The following CALN1 variants were observed in gnomAD, a reference collection of about 807,000 sequenced individuals.
CALN1 encodes calcium-binding protein 8.
A neutral mutation model predicts 30.6 loss-of-function variants in CALN1; 17 were observed. That is an observed-to-expected ratio of 0.56 (90% confidence interval 0.38 to 0.83). The LOEUF (loss-of-function observed/expected upper bound fraction) is 0.83. CALN1 is among the 40% of genes least tolerant of loss of function. The probability of loss-of-function intolerance (pLI) is 0.00; values close to 1 mark genes in which losing one functional copy is unlikely to be tolerated. For missense variants in CALN1, 291 were observed against 354.9 expected, an observed-to-expected ratio of 0.82 and a Z score of 1.45; for synonymous variants, 156 against 131.4, an observed-to-expected ratio of 1.19 and a Z score of -1.28.
At chr7:72,345,689 C>A (rs889854959) in intron 2 of CALN1, among the ~76,000 whole-genome samples, 8 of 152,078 alleles carry the variant, frequency 5.3e-5, no homozygotes, top group Admixed American at 5.2e-4. Flanking sequence ...ATAAACACCC[C>A]AGGGTTTCAG....
chr7:71,942,420 C>T (rs73364170), intron 5 of CALN1: 2,607 of 170,736 alleles, frequency 0.015, 74 homozygotes, highest in African/African-American at 0.057. Context: ...GTGAGGGGGA[C>T]GTGCTCACCC....
chr7:72,223,901 GA>G (rs1398257414), intron 3 of CALN1, among the ~76,000 whole-genome samples: 1 of 152,170 alleles, frequency 6.6e-6, no homozygotes, highest in Non-Finnish European at 1.5e-5. Flanking sequence ...TGCATAAACA[GA>G]AAACCAAATA....
chr7:72,223,440 T>C (rs1793447129), intron 3 of CALN1, among the ~76,000 whole-genome samples: 1 of 152,142 alleles, frequency 6.6e-6, no homozygotes, highest in Non-Finnish European at 1.5e-5. Flanking sequence ...CATTTTTTGA[T>C]GGATATGGCT....
Position 72,010,421 on chromosome 7 carries a change from T to G in CALN1, c.501+13236A>C, listed in dbSNP as rs573819332. On this transcript the variant is annotated intron_variant, in intron 5 of 6. Coordinates refer to ENST00000395275, the MANE Select transcript of CALN1 (RefSeq NM_031468.4). ...TTACTGCAGCCGAAACCACCTAGAC[T>G]CTTGCTAATGAGAGAATTCAATAAG... Among the ~76,000 whole-genome samples, 5 of 152,264 alleles carry G rather than the reference T, an allele frequency of 3.3e-5. No homozygotes were observed. The South Asian group carries it at 1.0e-3, about 32-fold the overall frequency.
intron 4 of CALN1, among the ~76,000 whole-genome samples, chr7:72,028,480 C>T (rs992983125): frequency 6.6e-6 from 1 of 152,166 alleles, no homozygotes; most frequent in African/African-American, 2.4e-5. Context: ...AAGGGAGCAG[C>T]TCATTTGCTA....
intron 4 of CALN1, among the ~76,000 whole-genome samples, chr7:72,065,947 T>C (rs948031408): frequency 1.3e-5 from 2 of 152,144 alleles, no homozygotes; most frequent in African/African-American, 4.8e-5. Flanking sequence ...GGATAATTAC[T>C]TATTTTGATA....
the CALN1 span, among the ~76,000 whole-genome samples, chr7:72,457,748 C>T: frequency 6.8e-6 from 1 of 148,148 alleles, no homozygotes; most frequent in Non-Finnish European, 1.5e-5. Flanking sequence ...TGGCCCTTAC[C>T]TTCTTATTCT....
intron 2 of CALN1, among the ~76,000 whole-genome samples, chr7:72,296,825 A>AT (rs1427408961): frequency 1.3e-5 from 2 of 150,366 alleles, no homozygotes; most frequent in Non-Finnish European, 3.0e-5. Flanking sequence ...GGATTCATTG[A>AT]TTTTTTGAAG....
At chr7:71,970,958 C>T (rs1270007136) in intron 5 of CALN1, among the ~76,000 whole-genome samples, 5 of 152,148 alleles carry the variant, frequency 3.3e-5, no homozygotes, top group Non-Finnish European at 7.3e-5. Context: ...CAGGTTCACT[C>T]GGCATTCCCA....
At position 71,810,345 on chromosome 7, in the gene CALN1, A is replaced by T. The variant is rs1313012605; in HGVS notation, c.649T>A (p.Phe217Ile). 1 of 1,613,330 alleles carries T rather than the reference A, an allele frequency of 6.2e-7. No homozygotes were observed. The highest frequency in any genetic ancestry group is 1.1e-5 in the South Asian group (1 of 90,962). ...NETSGNCQTE[F>I]EGVHSQKQNR... is the part of the protein sequence containing the mutation. ...CAGCAGGGGCACCTACCTCCTTCAA[A>T]CTCTGTTTGGCAGTTCCCCGAGGTC... Residue 217 changes from phenylalanine to isoleucine, a missense_variant, in exon 6 of 7, where the codon TTT becomes ATT. By Grantham distance (21) the Phe-to-Ile change is conservative. Coordinates refer to ENST00000395275, the MANE Select transcript of CALN1 (RefSeq NM_031468.4).
intron 1 of CALN1, among the ~76,000 whole-genome samples, chr7:72,438,273 C>T (rs1808237658): frequency 6.6e-6 from 1 of 152,022 alleles, no homozygotes; most frequent in Non-Finnish European, 1.5e-5. Context: ...CACCACTATC[C>T]CTGGCTCATT....
At chr7:72,355,091 T>C (rs1803150852) in intron 2 of CALN1, among the ~76,000 whole-genome samples, 1 of 152,056 alleles carries the variant, frequency 6.6e-6, no homozygotes. Flanking sequence ...GTATTTTTTA[T>C]AGAGACAGAC....
rs59245091 is a variant in CALN1 at position 72,352,388 on chromosome 7, C to CAAAAAA, written c.119+50857_119+50862dup. 6.3e-4 allele frequency among the ~76,000 whole-genome samples: 52 copies of CAAAAAA among 81,918 alleles called. 2 individuals carry two copies. Among genetic ancestry groups the CAAAAAA allele is most frequent in the African/African-American group, 9.8e-4 (19 of 19,434 alleles). 53.7% of individuals were successfully genotyped at this position (81,918 alleles called of 152,430 possible). Reference sequence around the variant, plus strand: ...TGGGTGACAGAGTGAGACTCTGTCTCAAAAAAAAAAAAAAAAAAAACTTTG... The same window carrying CAAAAAA: ...TGGGTGACAGAGTGAGACTCTGTCTCAAAAAAAAAAAAAAAAAAAAAAAAAACTTTG... On this transcript the variant is annotated intron_variant, in intron 2 of 6. Transcript: ENST00000395275.
chr7:72,061,775 C>A (rs542286871), intron 4 of CALN1, among the ~76,000 whole-genome samples: 152 of 119,174 alleles, frequency 1.3e-3, no homozygotes, highest in Admixed American at 3.2e-3. Flanking sequence ...ACGGCCTGGG[C>A]GACAGAGCAA....
At chr7:72,065,675 G>C (rs1262322391) in intron 4 of CALN1, among the ~76,000 whole-genome samples, 1 of 152,012 alleles carries the variant, frequency 6.6e-6, no homozygotes, top group East Asian at 1.9e-4. Context: ...TCATCTGTGT[G>C]GAAGTCAGGA....
chr7:72,326,988 A>T (rs1373648114), intron 2 of CALN1, among the ~76,000 whole-genome samples: 1 of 152,164 alleles, frequency 6.6e-6, no homozygotes, highest in Non-Finnish European at 1.5e-5. Context: ...CCACAAAAGG[A>T]TATGTTTAGT....
At chr7:72,361,530 G>A (rs1177868959) in intron 2 of CALN1, among the ~76,000 whole-genome samples, 3 of 152,000 alleles carry the variant, frequency 2.0e-5, no homozygotes, top group Non-Finnish European at 2.9e-5. Context: ...ACAAAACAAA[G>A]AATTCATCTT....
In CALN1 at chr7:72,252,984, C is replaced by T. The variant is rs751039371; in HGVS notation, c.244+25702G>A. Among the ~76,000 whole-genome samples, 118 of 152,226 alleles carry T rather than the reference C, an allele frequency of 7.8e-4. 1 individual carries two copies. In the Middle Eastern group the frequency reaches 0.014, roughly 18 times the overall value. ...GTATTTAAAAAACTTCACAAAGTTA[C>T]TTATTATTGTCTCATTTTTACAAGT... On this transcript the variant is annotated intron_variant, in intron 3 of 6. Transcript: ENST00000395275.
chr7:71,882,749 T>G (rs1430129605), intron 5 of CALN1, among the ~76,000 whole-genome samples: 2 of 151,822 alleles, frequency 1.3e-5, no homozygotes, highest in African/African-American at 4.8e-5. Flanking sequence ...AATGGCACAA[T>G]CATAGCTCAC....
Sources: allele counts gnomAD v4.1 joint callset (sites outside exome capture counted in the v4.1 genomes callset), GRCh38; gene constraint gnomAD v4.1.1; transcripts MANE v1.5; gene names NCBI Gene and HGNC (gene_info 2026-07-23, HGNC 2026-07-21).